Variants in ARHGEF10L observed in about 807,000 individuals in gnomAD.
The protein encoded by ARHGEF10L is rho guanine nucleotide exchange factor 10-like protein.
ARHGEF10L carries 69 observed loss-of-function variants against 141.2 expected under a neutral mutation model. The ratio of observed to expected loss-of-function variants is 0.49; its 90% CI spans 0.40 to 0.60. The LOEUF (loss-of-function observed/expected upper bound fraction) is 0.60. Among genes scored for constraint, ARHGEF10L ranks in the 20% least tolerant of loss-of-function variants. The pLI, the probability that ARHGEF10L is intolerant of heterozygous loss-of-function variation, is 0.00. For missense variants in ARHGEF10L, 1,482 were observed against 1,734.3 expected (o/e 0.85, Z 2.58); for synonymous variants, 711 against 718.5 (o/e 0.99, Z 0.17).
chr1:17,619,365 C>A lies in ARHGEF10L; in HGVS notation c.862C>A (p.Leu288Ile), dbSNP rs1174138568. Residue 288 changes from leucine to isoleucine, a missense_variant, in exon 10 of 29, where the codon CTC becomes ATC. Leu to Ile is a conservative substitution (Grantham distance 5). This residue lies in a region of ARHGEF10L where 392 missense variants were observed against 542.1 expected (regional missense o/e 0.72). Coordinates refer to ENST00000361221, the MANE Select transcript of ARHGEF10L (RefSeq NM_018125.4). The surrounding 1 kb of genome is among the most constrained non-coding windows in gnomAD (Gnocchi z 5.0). ...TGACTCGGAGGAGGAGGACATGGGGCTCCTGGAGGTCAGCGTTTCGGACAT... is the reference window on the plus strand; with the variant it reads ...TGACTCGGAGGAGGAGGACATGGGGATCCTGGAGGTCAGCGTTTCGGACAT... The part of the protein sequence containing the change: ...LGDSEEEDMG[L>I]LEVSVSDIKP... 2.5e-6 allele frequency: 4 copies of A among 1,613,260 alleles called. No individual in the cohort carries two copies. The highest frequency in any genetic ancestry group is 3.4e-6 in the Non-Finnish European group (4 of 1,179,878).
chr1:17,692,742 G>A (rs1420722314), intron 27 of ARHGEF10L, among the ~76,000 whole-genome samples: 3 of 152,230 alleles, frequency 2.0e-5, no homozygotes, highest in East Asian at 1.9e-4. Context: ...TAGGCCTTCC[G>A]GTAGCTTTTC....
chr1:17,643,039 T>G (rs112933738), intron 21 of ARHGEF10L, among the ~76,000 whole-genome samples: 3,126 of 152,286 alleles, frequency 0.021, 80 homozygotes, highest in Non-Finnish European at 0.027. Context: ...GCAGCAAAAG[T>G]TTTAATGGAA....
intron 1 of ARHGEF10L, among the ~76,000 whole-genome samples, chr1:17,566,465 A>G (rs902345762): frequency 2.0e-5 from 3 of 152,224 alleles, no homozygotes; most frequent in Non-Finnish European, 4.4e-5. Flanking sequence ...CCAACATCCC[A>G]TGTACCTTGG....
intron 22 of ARHGEF10L, among the ~76,000 whole-genome samples, chr1:17,653,405 G>A (rs574793118): frequency 6.6e-6 from 1 of 152,162 alleles, no homozygotes; most frequent in African/African-American, 2.4e-5. Context: ...CACCATCTTC[G>A]ACCCGGCTCT....
chr1:17,556,761 G>T (rs2077343401), intron 1 of ARHGEF10L, among the ~76,000 whole-genome samples: 1 of 152,176 alleles, frequency 6.6e-6, no homozygotes, highest in Non-Finnish European at 1.5e-5. Flanking sequence ...TTGGTATCAG[G>T]AGCTTAGCAT....
chr1:17,516,978 G>C, the ARHGEF10L span, among the ~76,000 whole-genome samples: 1 of 152,180 alleles, frequency 6.6e-6, no homozygotes, highest in African/African-American at 2.4e-5. Flanking sequence ...TCTCCTGCAT[G>C]GTTGTATTCC....
intron 6 of ARHGEF10L, chr1:17,604,929 CA>C (rs1340199717): frequency 6.6e-6 from 1 of 152,264 alleles, no homozygotes; most frequent in Admixed American, 6.5e-5. Context: ...GAGGATGTGG[CA>C]TGTTCATGGC....
intron 21 of ARHGEF10L, among the ~76,000 whole-genome samples, chr1:17,646,803 G>A (rs1003250011): frequency 2.0e-5 from 3 of 152,000 alleles, no homozygotes; most frequent in South Asian, 2.1e-4. Flanking sequence ...GGCCCGTCCC[G>A]GCGAGGTTGC....
In ARHGEF10L at chr1:17,621,859, A is replaced by G. The variant is rs767517904; in HGVS notation, c.943-5A>G. The G allele has an allele frequency of 6.2e-7, 1 of 1,614,044 alleles. No homozygotes were observed. Among genetic ancestry groups the G allele is most frequent in the Non-Finnish European group, 8.5e-7 (1 of 1,180,004 alleles). On this transcript the variant is annotated splice_region_variant and splice_polypyrimidine_tract_variant and intron_variant, in intron 10 of 28. Transcript: ENST00000361221. The surrounding 1 kb of genome is among the most constrained non-coding windows in gnomAD (Gnocchi z 4.1). ...TGCGCTGACCGTGCTTTTTGGCCCG[A>G]GCAGGTGGTCCGGAGGCATATCCTG...
At chr1:17,651,480 C>A (rs1188666160) in intron 22 of ARHGEF10L, among the ~76,000 whole-genome samples, 4 of 152,180 alleles carry the variant, frequency 2.6e-5, no homozygotes, top group Non-Finnish European at 5.9e-5. Context: ...GCGTTGGATT[C>A]TCCTGTCTCC....
intron 26 of ARHGEF10L, among the ~76,000 whole-genome samples, chr1:17,682,964 CT>C (rs1237378023): frequency 6.6e-6 from 1 of 152,134 alleles, no homozygotes; most frequent in Non-Finnish European, 1.5e-5. Context: ...ACAGCCTCCC[CT>C]GGCAATGAAT....
chr1:17,588,631 G>C, intron 4 of ARHGEF10L, 152 bp downstream of exon 4: 1 of 955,590 alleles, frequency 1.0e-6, no homozygotes, highest in Non-Finnish European at 1.6e-6. Flanking sequence ...CCTGGGGGAA[G>C]AGGTCAGTTC....
intron 28 of ARHGEF10L, 32 bp downstream of exon 28, chr1:17,695,312 CA>C (rs1302520429): frequency 3.2e-6 from 5 of 1,545,666 alleles, no homozygotes; most frequent in Non-Finnish European, 4.4e-6. Context: ...TTGGCAGGAC[CA>C]GGGGGTCAGC....
chr1:17,675,985 G>C (rs1160567798), intron 26 of ARHGEF10L, among the ~76,000 whole-genome samples: 1 of 139,850 alleles, frequency 7.2e-6, no homozygotes, highest in Non-Finnish European at 1.6e-5. Context: ...TGTGGGTGCA[G>C]GTGTGTGCAG....
At chr1:17,616,026 C>G (rs551142513) in intron 8 of ARHGEF10L, 68 bp from the exon 9 acceptor site, 2 of 1,347,478 alleles carry the variant, frequency 1.5e-6, no homozygotes, top group African/African-American at 1.4e-5. Context: ...CCTGGGGAGG[C>G]GGGTGGCCCT....
chr1:17,608,709 T>C (rs1351180049), intron 7 of ARHGEF10L, among the ~76,000 whole-genome samples: 1 of 152,152 alleles, frequency 6.6e-6, no homozygotes, highest in Non-Finnish European at 1.5e-5. Context: ...ATTTGCAGTT[T>C]CATGGGGACA....
chr1:17,660,462 G>A (rs568632883), intron 25 of ARHGEF10L, among the ~76,000 whole-genome samples: 2 of 152,316 alleles, frequency 1.3e-5, no homozygotes, highest in East Asian at 1.9e-4. Context: ...CACGAGTGCC[G>A]CGACACAGCC....
chr1:17,689,853 T>C, intron 27 of ARHGEF10L: 1 of 456,074 alleles, frequency 2.2e-6, no homozygotes. Flanking sequence ...GTCAAGCTGA[T>C]CAAGTGGTGG....
intron 25 of ARHGEF10L, among the ~76,000 whole-genome samples, chr1:17,659,950 C>T (rs1333009735): frequency 6.6e-6 from 1 of 152,246 alleles, no homozygotes; most frequent in African/African-American, 2.4e-5. Flanking sequence ...AGAGTCCCAC[C>T]TGCAGCTGAG....
Sources: gnomAD v4.1 joint callset for allele counts (sites outside exome capture counted in the v4.1 genomes callset) on GRCh38, gnomAD v4.1.1 for gene constraint, gnomAD v4.1.1 regional missense constraint, Gnocchi (gnomAD v3.1) non-coding constraint, MANE v1.5 for transcripts, NCBI Gene and HGNC (gene_info 2026-07-23, HGNC 2026-07-21) for gene names.